The following CAMKMT variants were observed in gnomAD, a reference collection of about 807,000 sequenced individuals.
The protein encoded by CAMKMT is calmodulin-lysine N-methyltransferase.
Under a neutral mutation model 48.0 loss-of-function variants are expected in CAMKMT, and 53 were observed. The ratio of observed to expected loss-of-function variants is 1.10; its 90% CI spans 0.89 to 1.39. The LOEUF is 1.39. CAMKMT is among the 40% of genes most tolerant of loss of function. The probability of loss-of-function intolerance (pLI) is 0.00; values close to 1 mark genes in which losing one functional copy is unlikely to be tolerated. For synonymous variants in CAMKMT, 165 were observed against 152.3 expected (o/e 1.08, Z -0.61); for missense variants, 428 against 402.7 (o/e 1.06, Z -0.54).
chr2:44,661,977 A>C (rs1181854904), intron 3 of CAMKMT, among the ~76,000 whole-genome samples: 2 of 152,190 alleles, frequency 1.3e-5, no homozygotes, highest in Middle Eastern at 3.2e-3. Context: ...GCCTTCACCT[A>C]AAAAATAGCT....
chr2:44,379,064 C>T (rs775536211), intron 2 of CAMKMT, among the ~76,000 whole-genome samples: 4 of 152,188 alleles, frequency 2.6e-5, no homozygotes, highest in African/African-American at 4.8e-5. Flanking sequence ...TTGGCTGTAA[C>T]TCCCCATTCT....
chr2:44,499,608 C>T (rs1169456682), intron 3 of CAMKMT, among the ~76,000 whole-genome samples: 2 of 152,148 alleles, frequency 1.3e-5, no homozygotes, highest in East Asian at 1.9e-4. Flanking sequence ...TACAACAAAA[C>T]GGGAATTCAC....
chr2:44,625,196 C>CT (rs1274993347), intron 3 of CAMKMT, among the ~76,000 whole-genome samples: 6 of 152,112 alleles, frequency 3.9e-5, no homozygotes, highest in African/African-American at 1.4e-4. Flanking sequence ...ATTCCAATGG[C>CT]TATGTAATAG....
chr2:44,728,443 T>C (rs1678905966), intron 7 of CAMKMT, among the ~76,000 whole-genome samples: 2 of 152,182 alleles, frequency 1.3e-5, no homozygotes, highest in Non-Finnish European at 2.9e-5. Flanking sequence ...TAGAATGAGT[T>C]AGGGAGGAGC....
chr2:44,478,759 G>C (rs1346207027), intron 3 of CAMKMT, among the ~76,000 whole-genome samples: 3 of 149,836 alleles, frequency 2.0e-5, no homozygotes, highest in Non-Finnish European at 4.4e-5. Flanking sequence ...GGAGTGCAGT[G>C]GCACGATCTC....
At chr2:44,488,937 C>T (rs944025190) in intron 3 of CAMKMT, among the ~76,000 whole-genome samples, 7 of 151,414 alleles carry the variant, frequency 4.6e-5, no homozygotes, top group Non-Finnish European at 1.0e-4. Flanking sequence ...ACAGTCATAG[C>T]TCACTGCAGC....
chr2:44,513,725 A>G (rs980580966), intron 3 of CAMKMT, among the ~76,000 whole-genome samples: 17 of 152,212 alleles, frequency 1.1e-4, no homozygotes, highest in African/African-American at 3.6e-4. Flanking sequence ...ATGTTGACTT[A>G]TTCTGACAGT....
intron 1 of CAMKMT, among the ~76,000 whole-genome samples, chr2:44,367,034 G>T (rs1558540216): frequency 6.6e-6 from 1 of 152,040 alleles, no homozygotes; most frequent in Non-Finnish European, 1.5e-5. Context: ...CTGTTGCTGT[G>T]TCTTAAAAAC....
chr2:44,559,218 T>A (rs549961200), intron 3 of CAMKMT, among the ~76,000 whole-genome samples: 129 of 152,298 alleles, frequency 8.5e-4, no homozygotes, highest in African/African-American at 2.9e-3. Context: ...CATGAAATGA[T>A]GGTGTTGGAA....
intron 3 of CAMKMT, among the ~76,000 whole-genome samples, chr2:44,593,828 A>G (rs1043488366): frequency 5.2e-5 from 7 of 135,132 alleles, no homozygotes; most frequent in Admixed American, 4.3e-4. Context: ...CAATGGCGTG[A>G]TCTCAGCTCA....
intron 3 of CAMKMT, among the ~76,000 whole-genome samples, chr2:44,411,643 T>A (rs1283927905): frequency 6.6e-6 from 1 of 152,186 alleles, no homozygotes; most frequent in Non-Finnish European, 1.5e-5. Context: ...ATATTGAATA[T>A]GCAAATAAAT....
At chr2:44,594,890 A>T (rs1395431029) in intron 3 of CAMKMT, among the ~76,000 whole-genome samples, 5 of 152,220 alleles carry the variant, frequency 3.3e-5, no homozygotes, top group African/African-American at 1.2e-4. Context: ...ACAAAATGGG[A>T]GAAAACTTTT....
intron 3 of CAMKMT, among the ~76,000 whole-genome samples, chr2:44,470,252 T>G (rs1346737626): frequency 1.3e-5 from 2 of 152,328 alleles, no homozygotes; most frequent in East Asian, 1.9e-4. Flanking sequence ...CTGTGAAGTT[T>G]CCTGGGTTTT....
chr2:44,691,868 T>TCCACCTGC (rs1018219570), intron 3 of CAMKMT, among the ~76,000 whole-genome samples: 1 of 152,130 alleles, frequency 6.6e-6, no homozygotes, highest in Admixed American at 6.6e-5. Context: ...AGGGCAGGCC[T>TCCACCTGC]CCACCTGCCC....
chr2:44,756,585 C>CA (rs1308106366), intron 9 of CAMKMT, among the ~76,000 whole-genome samples: 6 of 151,690 alleles, frequency 4.0e-5, no homozygotes, highest in South Asian at 4.2e-4. Context: ...ACTGAAAATA[C>CA]AAAAAAATTA....
chr2:44,766,808 A>G (rs187991308), intron 10 of CAMKMT, among the ~76,000 whole-genome samples: 2 of 152,232 alleles, frequency 1.3e-5, no homozygotes, highest in Non-Finnish European at 2.9e-5. Flanking sequence ...CTTTTCATTC[A>G]TAATAGACTA....
chr2:44,419,188 A>G (rs1271660979), intron 3 of CAMKMT, among the ~76,000 whole-genome samples: 1 of 152,214 alleles, frequency 6.6e-6, no homozygotes, highest in Non-Finnish European at 1.5e-5. Context: ...GTCGCAGCTA[A>G]GGTGCTAAAT....
intron 3 of CAMKMT, among the ~76,000 whole-genome samples, chr2:44,699,213 T>A (rs1177729160): frequency 6.6e-6 from 1 of 152,230 alleles, no homozygotes; most frequent in African/African-American, 2.4e-5. Context: ...TCCAGAAGAT[T>A]TTCAACTGAC....
At chr2:44,426,479 C>T (rs1015730922) in intron 3 of CAMKMT, among the ~76,000 whole-genome samples, 3 of 152,202 alleles carry the variant, frequency 2.0e-5, no homozygotes, top group Admixed American at 6.5e-5. Flanking sequence ...TGATAAATGA[C>T]TTCAGTAAGG....
Sources: gnomAD v4.1 joint callset for allele counts (sites outside exome capture counted in the v4.1 genomes callset) on GRCh38, gnomAD v4.1.1 for gene constraint, MANE v1.5 for transcripts, NCBI Gene and HGNC (gene_info 2026-07-23, HGNC 2026-07-21) for gene names.